Variants in ATXN2 observed in about 807,000 individuals in gnomAD.
The protein encoded by ATXN2 is ataxin 2, also known as ataxin-2.
Under a neutral mutation model 138.6 loss-of-function variants are expected in ATXN2, and 37 were observed. The observed-to-expected ratio is 0.27, with a 90% CI of 0.21 to 0.35. ATXN2 has a LOEUF of 0.35. Ranked by LOEUF, ATXN2 falls within the 10% of genes least tolerant of loss-of-function variation. The probability of loss-of-function intolerance (pLI) is 1.00; values close to 1 mark genes in which losing one functional copy is unlikely to be tolerated. For synonymous variants in ATXN2, 549 were observed against 543.7 expected (o/e 1.01, Z -0.13); for missense variants, 1,216 against 1,480.3 (o/e 0.82, Z 2.93).
At chr12:111,469,874 T>C (rs1876280713) in intron 20 of ATXN2, 1 of 496,458 alleles carries the variant, frequency 2.0e-6, no homozygotes, top group Non-Finnish European at 3.5e-6. Flanking sequence ...ATTATATACA[T>C]CATTACATTT....
chr12:111,557,750 A>G (rs932799893), intron 1 of ATXN2, among the ~76,000 whole-genome samples: 3 of 152,210 alleles, frequency 2.0e-5, no homozygotes, highest in Admixed American at 6.5e-5. Flanking sequence ...TCGCCTAACA[A>G]AAATTCTATG....
chr12:111,490,439 G>T (rs557740452), intron 14 of ATXN2, among the ~76,000 whole-genome samples: 2 of 152,086 alleles, frequency 1.3e-5, no homozygotes, highest in African/African-American at 2.4e-5. Flanking sequence ...GGCCTAGTCA[G>T]CTTGGAAGGT....
rs1005682999 is a variant in ATXN2, at chr12:111,598,016, C to A, written c.251+768G>T. On this transcript the variant is annotated intron_variant, in intron 1 of 24. Coordinates refer to ENST00000673436, the MANE Select transcript of ATXN2 (RefSeq NM_001372574.1). The surrounding 1 kb of genome is among the most constrained non-coding windows in gnomAD (Gnocchi z 4.5). ...GGTCTGGCGGGGGAAGGAGGAAGGCCGGGACGGGGCCGGGCACTCCCCACC... is the reference window on the plus strand; with the variant it reads ...GGTCTGGCGGGGGAAGGAGGAAGGCAGGGACGGGGCCGGGCACTCCCCACC... The A allele has an allele frequency of 7.6e-6, 9 of 1,191,938 alleles. No homozygotes were observed. Among genetic ancestry groups the A allele is most frequent in the Middle Eastern group, 7.6e-4 (2 of 2,618 alleles). 73.8% of individuals were successfully genotyped at this position (1,191,938 alleles called of 1,614,324 possible). A position where few individuals can be genotyped will look rare whatever the true frequency, so the allele number is the denominator to read the frequency against.
chr12:111,569,676 A>T (rs1319600437), intron 1 of ATXN2, among the ~76,000 whole-genome samples: 1 of 152,146 alleles, frequency 6.6e-6, no homozygotes, highest in Non-Finnish European at 1.5e-5. Context: ...GGATCATGCC[A>T]CTGGACTCCA....
chr12:111,466,074 G>A (rs1004474152), intron 20 of ATXN2, among the ~76,000 whole-genome samples: 1 of 151,718 alleles, frequency 6.6e-6, no homozygotes, highest in African/African-American at 2.4e-5. Flanking sequence ...GCTGAGGCAG[G>A]AGAACTGCTT....
chr12:111,556,424 C>G (rs1322273657), intron 1 of ATXN2, among the ~76,000 whole-genome samples: 4 of 151,998 alleles, frequency 2.6e-5, no homozygotes, highest in Non-Finnish European at 5.9e-5. Flanking sequence ...TTATAAAGAG[C>G]TATTCAGAAG....
chr12:111,501,668 AC>A (rs2135717791), intron 14 of ATXN2, among the ~76,000 whole-genome samples: 1 of 152,238 alleles, frequency 6.6e-6, no homozygotes, highest in East Asian at 1.9e-4. Context: ...ATGTGGGCAC[AC>A]TGGCAATTTA....
chr12:111,559,698 G>T (rs848129), intron 1 of ATXN2, among the ~76,000 whole-genome samples: 1 of 150,214 alleles, frequency 6.7e-6, no homozygotes, highest in African/African-American at 2.5e-5. Context: ...ACTTGAACCC[G>T]GGAAGTGGAG....
At chr12:111,476,460 C>CAA (rs915476297) in intron 18 of ATXN2, among the ~76,000 whole-genome samples, 5 of 128,756 alleles carry the variant, frequency 3.9e-5, no homozygotes, top group African/African-American at 1.4e-4. Flanking sequence ...TACAATAAGA[C>CAA]AAAAAAAAAA....
intron 14 of ATXN2, among the ~76,000 whole-genome samples, chr12:111,498,679 A>G (rs1217910420): frequency 6.6e-6 from 1 of 152,194 alleles, no homozygotes; most frequent in Non-Finnish European, 1.5e-5. Flanking sequence ...CTATCAAAAT[A>G]CCAATGACAT....
At chr12:111,458,502 T>C (rs1190732321) in intron 21 of ATXN2, 1 of 152,212 alleles carries the variant, frequency 6.6e-6, no homozygotes, top group Non-Finnish European at 1.5e-5. Context: ...CCAGTGACTA[T>C]GGACAGCACA....
At chr12:111,593,341 C>T (rs879755138) in intron 1 of ATXN2, among the ~76,000 whole-genome samples, 3 of 151,884 alleles carry the variant, frequency 2.0e-5, no homozygotes, top group Admixed American at 1.3e-4. Flanking sequence ...GTGATCCACC[C>T]GCCTCAGCCT....
At chr12:111,591,986 G>A (rs1024970499) in intron 1 of ATXN2, among the ~76,000 whole-genome samples, 1 of 151,742 alleles carries the variant, frequency 6.6e-6, no homozygotes, top group Non-Finnish European at 1.5e-5. Flanking sequence ...GAAGGCTGAG[G>A]CAGGAGAATC....
Position 111,510,513 on chromosome 12 carries a change from C to G in ATXN2, c.1628G>C (p.Ser543Thr). 1 of 1,614,088 alleles carries G rather than the reference C, an allele frequency of 6.2e-7. No homozygotes were observed. The highest frequency in any genetic ancestry group is 8.5e-7 in the Non-Finnish European group (1 of 1,179,982). Residue 543 changes from serine to threonine, a missense_variant, in exon 12 of 25, where the codon AGT (serine) becomes ACT (threonine). This residue lies in a region of ATXN2 where 215 missense variants were observed against 210.0 expected (regional missense o/e 1.02). Transcript: ENST00000673436. ...TTGGGGAGAAGCAAGAACTGGCCCACTGGGGGTATTTCCAATACTGTTCTG... is the reference window on the plus strand; with the variant it reads ...TTGGGGAGAAGCAAGAACTGGCCCAGTGGGGGTATTTCCAATACTGTTCTG... ...PRQNSIGNTP[S>T]GPVLASPQAG...
intron 18 of ATXN2, 142 bp downstream of exon 18, chr12:111,485,123 T>G: frequency 2.9e-6 from 2 of 679,474 alleles, no homozygotes; most frequent in Non-Finnish European, 5.0e-6. Flanking sequence ...TGAATATCTA[T>G]GTAATGTTGT....
At chr12:111,508,515 C>T (rs1247029777) in intron 14 of ATXN2, among the ~76,000 whole-genome samples, 1 of 128,756 alleles carries the variant, frequency 7.8e-6, no homozygotes, top group Non-Finnish European at 1.6e-5. Context: ...GGTGTGATCT[C>T]GGCTCACTGC....
At chr12:111,460,363 C>T (rs1277110969) in intron 21 of ATXN2, among the ~76,000 whole-genome samples, 3 of 152,268 alleles carry the variant, frequency 2.0e-5, no homozygotes, top group African/African-American at 4.8e-5. Flanking sequence ...CGTGAGCCAC[C>T]GCGCCCAGCC....
At chr12:111,524,858 A>T (rs1469581912) in intron 6 of ATXN2, among the ~76,000 whole-genome samples, 1 of 152,162 alleles carries the variant, frequency 6.6e-6, no homozygotes, top group Non-Finnish European at 1.5e-5. Context: ...AGGCTACCTT[A>T]TTTGGCTGGG....
At chr12:111,570,572 T>C (rs1321403667) in intron 1 of ATXN2, among the ~76,000 whole-genome samples, 2 of 152,204 alleles carry the variant, frequency 1.3e-5, no homozygotes, top group African/African-American at 4.8e-5. Flanking sequence ...ACCATGTGTA[T>C]AGCAATCCCT....
Sources: gnomAD v4.1 joint callset for allele counts (sites outside exome capture counted in the v4.1 genomes callset) on GRCh38, gnomAD v4.1.1 for gene constraint, gnomAD v4.1.1 regional missense constraint, Gnocchi (gnomAD v3.1) non-coding constraint, MANE v1.5 for transcripts, NCBI Gene and HGNC (gene_info 2026-07-23, HGNC 2026-07-21) for gene names.